Variants in MYO16 observed in about 807,000 individuals in gnomAD.
MYO16 encodes the protein unconventional myosin-XVI.
Under a neutral mutation model 205.3 loss-of-function variants are expected in MYO16, and 94 were observed. The ratio of observed to expected loss-of-function variants is 0.46; its 90% CI spans 0.39 to 0.54. The LOEUF (loss-of-function observed/expected upper bound fraction) is 0.54, where lower values mean the gene tolerates loss of function less well. Ranked by LOEUF, MYO16 falls within the 20% of genes least tolerant of loss-of-function variation. The pLI is 0.00. For synonymous variants in MYO16, 988 were observed against 954.0 expected, an observed-to-expected ratio of 1.04 and a Z score of -0.66; for missense variants, 2,315 against 2,387.5, an observed-to-expected ratio of 0.97 and a Z score of 0.63.
intron 2 of MYO16, among the ~76,000 whole-genome samples, chr13:108,671,449 A>G (rs1881986198): frequency 6.6e-6 from 1 of 152,210 alleles, no homozygotes; most frequent in Admixed American, 6.5e-5. Flanking sequence ...AACCTATATA[A>G]TTTCATCTCT....
At chr13:109,116,802 G>A (rs1875712346) in intron 28 of MYO16, among the ~76,000 whole-genome samples, 1 of 152,252 alleles carries the variant, frequency 6.6e-6, no homozygotes, top group South Asian at 2.1e-4. Flanking sequence ...AGATAATGGG[G>A]ATAATGGCTG....
intron 31 of MYO16, among the ~76,000 whole-genome samples, chr13:109,138,635 G>A (rs1186417128): frequency 6.6e-6 from 1 of 151,832 alleles, no homozygotes; most frequent in Non-Finnish European, 1.5e-5. Context: ...AAAGTTCTTA[G>A]GGAAATGTTA....
Position 108,891,544 on chromosome 13 carries a change from G to T in MYO16, c.1659+3067G>T, listed in dbSNP as rs1262288527. 3.9e-5 allele frequency among the ~76,000 whole-genome samples: 6 copies of T among 152,170 alleles called. No individual in the cohort carries two copies. In the East Asian group the frequency reaches 1.2e-3, roughly 29 times the overall value. ...TAATGTACATATGTGCTATATCATTGCCTTGACAAAAAATAATGCATGTAC... is the reference window on the plus strand; with the variant it reads ...TAATGTACATATGTGCTATATCATTTCCTTGACAAAAAATAATGCATGTAC... On this transcript the variant is annotated intron_variant, in intron 14 of 34. Coordinates refer to ENST00000457511, the MANE Select transcript of MYO16 (RefSeq NM_001198950.3).
chr13:108,571,722 T>A, the MYO16 span, among the ~76,000 whole-genome samples: 1 of 151,420 alleles, frequency 6.6e-6, no homozygotes, highest in African/African-American at 2.4e-5. Flanking sequence ...TGTGTGTGTG[T>A]CTGAATAGTT....
intron 28 of MYO16, among the ~76,000 whole-genome samples, chr13:109,107,807 A>G (rs1358075001): frequency 1.7e-5 from 1 of 58,054 alleles, no homozygotes; most frequent in African/African-American, 5.7e-5. Context: ...CACCATATAT[A>G]TTCATATTAT....
intron 21 of MYO16, among the ~76,000 whole-genome samples, chr13:109,005,933 G>A (rs1885373457): frequency 6.6e-6 from 1 of 152,138 alleles, no homozygotes; most frequent in African/African-American, 2.4e-5. Flanking sequence ...CCATCTAGGT[G>A]CATGTAATTC....
At chr13:109,113,400 A>G (rs1875504108) in intron 28 of MYO16, among the ~76,000 whole-genome samples, 1 of 152,174 alleles carries the variant, frequency 6.6e-6, no homozygotes, top group African/African-American at 2.4e-5. Flanking sequence ...ATACAATAAA[A>G]AAGTCTAATA....
intron 22 of MYO16, among the ~76,000 whole-genome samples, chr13:109,011,498 C>CTTTTTTTTTTTTT (rs34575828): frequency 5.8e-4 from 75 of 129,830 alleles, no homozygotes; most frequent in East Asian, 6.9e-4. Context: ...TTCTTCCTTT[C>CTTTTTTTTTTTTT]TTTTTTTTTT....
chr13:109,166,193 T>G (rs1381223375), intron 33 of MYO16, among the ~76,000 whole-genome samples: 1 of 152,104 alleles, frequency 6.6e-6, no homozygotes, highest in Non-Finnish European at 1.5e-5. Flanking sequence ...TGCCTTAAAA[T>G]AAGTATGTTT....
intron 23 of MYO16, among the ~76,000 whole-genome samples, chr13:109,034,099 G>A (rs1886633503): frequency 1.3e-5 from 2 of 151,894 alleles, no homozygotes; most frequent in African/African-American, 2.4e-5. Context: ...ACAATTTGTG[G>A]CAGAGTCCAG....
chr13:108,676,403 G>GTGTT (rs1555337834), intron 2 of MYO16, among the ~76,000 whole-genome samples: 46 of 148,332 alleles, frequency 3.1e-4, no homozygotes, highest in East Asian at 1.0e-3. Context: ...GTGTGTGTGT[G>GTGTT]TGTGCCAGCC....
At chr13:108,597,649 TCTC>T (rs762252375) in intron 1 of MYO16, among the ~76,000 whole-genome samples, 7 of 152,256 alleles carry the variant, frequency 4.6e-5, no homozygotes, top group Admixed American at 6.5e-5. Context: ...AATTGGTAGT[TCTC>T]CTGCCCTCTC....
chr13:108,554,271 T>A, the MYO16 span, among the ~76,000 whole-genome samples: 37 of 152,226 alleles, frequency 2.4e-4, no homozygotes, highest in South Asian at 7.5e-3. Context: ...CTTCCTTCCC[T>A]GGGTCTTTTT....
intron 33 of MYO16, among the ~76,000 whole-genome samples, chr13:109,168,096 AAG>A (rs1429946197): frequency 6.6e-6 from 1 of 152,128 alleles, no homozygotes; most frequent in Non-Finnish European, 1.5e-5. Context: ...CAAACTAGTA[AAG>A]AGAGAAAAAT....
At chr13:108,685,927 A>T (rs908664070) in intron 2 of MYO16, among the ~76,000 whole-genome samples, 1 of 152,118 alleles carries the variant, frequency 6.6e-6, no homozygotes, top group Admixed American at 6.5e-5. Context: ...CACCCTAATG[A>T]CCTCAGTGAA....
At chr13:108,917,191 T>G (rs939027855) in intron 16 of MYO16, among the ~76,000 whole-genome samples, 1 of 152,134 alleles carries the variant, frequency 6.6e-6, no homozygotes, top group African/African-American at 2.4e-5. Context: ...CTAGGCCCCC[T>G]AACTTAAGAG....
the MYO16 span, among the ~76,000 whole-genome samples, chr13:108,538,371 A>C: frequency 6.6e-6 from 1 of 152,112 alleles, no homozygotes; most frequent in Non-Finnish European, 1.5e-5. Flanking sequence ...AATGTTAAAC[A>C]AGGTAAGTGA....
intron 9 of MYO16, among the ~76,000 whole-genome samples, chr13:108,829,075 C>T (rs1211934842): frequency 6.6e-6 from 1 of 152,124 alleles, no homozygotes; most frequent in Non-Finnish European, 1.5e-5. Context: ...GTTCAAGTGG[C>T]CTGGGGACCC....
chr13:108,524,328 A>G, the MYO16 span, among the ~76,000 whole-genome samples: 2 of 146,410 alleles, frequency 1.4e-5, no homozygotes, highest in East Asian at 4.1e-4. Context: ...ATAAATAAAT[A>G]AATAATAAAA....
Sources: allele counts gnomAD v4.1 joint callset (sites outside exome capture counted in the v4.1 genomes callset), GRCh38; gene constraint gnomAD v4.1.1; transcripts MANE v1.5; gene names NCBI Gene and HGNC (gene_info 2026-07-23, HGNC 2026-07-21).